BAZ1A: variants seen among roughly 807,000 people sequenced by gnomAD.
The protein encoded by BAZ1A is bromodomain adjacent to zinc finger domain protein 1A.
A neutral mutation model predicts 185.2 loss-of-function variants in BAZ1A; 50 were observed. The observed-to-expected ratio is 0.27, with a 90% CI of 0.22 to 0.34. The LOEUF (loss-of-function observed/expected upper bound fraction) is 0.34. BAZ1A is among the 10% of genes least tolerant of loss of function. The pLI is 1.00. For synonymous variants in BAZ1A, 571 were observed against 615.6 expected, an observed-to-expected ratio of 0.93 and a Z score of 1.07; for missense variants, 1,356 against 1,839.9, an observed-to-expected ratio of 0.74 and a Z score of 4.81.
At chr14:34,850,496 A>G (rs1441528025) in intron 3 of BAZ1A, among the ~76,000 whole-genome samples, 1 of 152,246 alleles carries the variant, frequency 6.6e-6, no homozygotes. Flanking sequence ...AATAGTTTTT[A>G]TAGTCTAGTC....
Position 34,770,270 on chromosome 14 carries a change from C to T in BAZ1A, c.3301+1241G>A, listed in dbSNP as rs1406552129. On this transcript the variant is annotated intron_variant, in intron 21 of 26. Coordinates refer to ENST00000360310, the MANE Select transcript of BAZ1A (RefSeq NM_013448.3). Reference sequence around the variant, plus strand: ...CCAGGTTCAAGCGATTCTCCTGCCTCAGCCTCCCAAGTAGCTGGGATTACA... The same window carrying T: ...CCAGGTTCAAGCGATTCTCCTGCCTTAGCCTCCCAAGTAGCTGGGATTACA... 2.6e-5 allele frequency among the ~76,000 whole-genome samples: 4 copies of T among 152,326 alleles called. No individual in the cohort carries two copies. The East Asian group carries it at 7.7e-4, about 29-fold the overall frequency.
intron 3 of BAZ1A, among the ~76,000 whole-genome samples, chr14:34,844,674 G>C (rs4981252): frequency 0.59 from 89,301 of 151,174 alleles, 26,521 homozygotes; most frequent in South Asian, 0.67. Context: ...CCCAGCCACT[G>C]GGGAGGATAA....
chr14:34,758,115 C>CAAA (rs1192197844), intron 25 of BAZ1A, among the ~76,000 whole-genome samples: 3 of 62,412 alleles, frequency 4.8e-5, no homozygotes, highest in African/African-American at 9.7e-5. Flanking sequence ...GACCCTGTCT[C>CAAA]AAAAAAAAAA....
chr14:34,797,726 G>T (rs1881273214), intron 9 of BAZ1A, among the ~76,000 whole-genome samples: 1 of 152,320 alleles, frequency 6.6e-6, no homozygotes, highest in Non-Finnish European at 1.5e-5. Flanking sequence ...CCAGTCTGCA[G>T]CTCCCAGCGT....
chr14:34,760,962 CT>C (rs1886496365), intron 24 of BAZ1A, among the ~76,000 whole-genome samples: 3 of 151,864 alleles, frequency 2.0e-5, no homozygotes, highest in Non-Finnish European at 4.4e-5. Context: ...ATAATGATTA[CT>C]ATAAACAAAA....
intron 3 of BAZ1A, among the ~76,000 whole-genome samples, chr14:34,838,045 A>C (rs751934128): frequency 1.3e-5 from 2 of 148,830 alleles, no homozygotes; most frequent in Admixed American, 6.6e-5. Flanking sequence ...CGATTGTTAC[A>C]ACAACAGGAT....
chr14:34,760,003 T>C (rs1886454121), intron 24 of BAZ1A, among the ~76,000 whole-genome samples: 1 of 152,126 alleles, frequency 6.6e-6, no homozygotes. Flanking sequence ...ATCTAGATAA[T>C]GTTCGAAAAG....
At chr14:34,783,496 C>T (rs1017288016) in intron 15 of BAZ1A, among the ~76,000 whole-genome samples, 5 of 151,864 alleles carry the variant, frequency 3.3e-5, no homozygotes, top group South Asian at 4.2e-4. Context: ...CCACCACGCC[C>T]GGTTACTTTT....
rs150247491 is a variant in BAZ1A, at chr14:34,818,137, C to T, written c.537-7101G>A. ...ATAAACAAAATGTGATATACACATA[C>T]AATGGATTATTCAGCCATAAAAAGG... On this transcript the variant is annotated intron_variant, in intron 4 of 26. Transcript: ENST00000360310. 2.1e-3 allele frequency among the ~76,000 whole-genome samples: 323 copies of T among 152,266 alleles called. 8 individuals are homozygous for T. The East Asian group carries it at 0.054, about 26-fold the overall frequency.
intron 21 of BAZ1A, among the ~76,000 whole-genome samples, chr14:34,770,639 C>T (rs1012321549): frequency 2.2e-4 from 34 of 152,112 alleles, no homozygotes; most frequent in African/African-American, 8.2e-4. Flanking sequence ...ATGATATAAA[C>T]ATTGATTTAG....
intron 4 of BAZ1A, among the ~76,000 whole-genome samples, chr14:34,821,952 C>T (rs1021197901): frequency 6.6e-6 from 1 of 151,456 alleles, no homozygotes; most frequent in Admixed American, 6.6e-5. Flanking sequence ...CCATTGCACT[C>T]CAGCCTGCCC....
chr14:34,781,929 T>C (rs1214558941), intron 16 of BAZ1A, among the ~76,000 whole-genome samples: 3 of 152,256 alleles, frequency 2.0e-5, no homozygotes, highest in Non-Finnish European at 4.4e-5. Context: ...CCTTTGTTTA[T>C]CCATTCATCA....
chr14:34,789,791 A>G (rs1594842396), intron 12 of BAZ1A, among the ~76,000 whole-genome samples: 1 of 152,224 alleles, frequency 6.6e-6, no homozygotes, highest in South Asian at 2.1e-4. Flanking sequence ...AAGACAAGTA[A>G]TTTTACAGGC....
At chr14:34,798,255 C>T (rs963417244) in intron 9 of BAZ1A, among the ~76,000 whole-genome samples, 10 of 152,380 alleles carry the variant, frequency 6.6e-5, no homozygotes, top group African/African-American at 2.2e-4. Context: ...TAGACCACAC[C>T]GCTGGGGGCA....
At chr14:34,780,115 C>G (rs1298402457) in intron 17 of BAZ1A, 71 bp downstream of exon 17, 1 of 1,564,044 alleles carries the variant, frequency 6.4e-7, no homozygotes, top group Non-Finnish European at 8.7e-7. Context: ...TTCAGAGGAG[C>G]TGAATTAATA....
intron 12 of BAZ1A, among the ~76,000 whole-genome samples, chr14:34,789,865 T>A (rs1880727134): frequency 6.6e-6 from 1 of 152,218 alleles, no homozygotes; most frequent in Non-Finnish European, 1.5e-5. Flanking sequence ...CAACATAGCA[T>A]AATTGTAATG....
chr14:34,837,491 A>G (rs1255156087), intron 3 of BAZ1A, among the ~76,000 whole-genome samples: 1 of 149,914 alleles, frequency 6.7e-6, no homozygotes, highest in South Asian at 2.1e-4. Flanking sequence ...CTCCTGCCTC[A>G]GTCTCTCCAA....
At chr14:34,844,620 AAAAAATT>A (rs922350053) in intron 3 of BAZ1A, among the ~76,000 whole-genome samples, 22 of 151,938 alleles carry the variant, frequency 1.4e-4, no homozygotes, top group African/African-American at 5.3e-4. Flanking sequence ...CTACAAAAAA[AAAAAATT>A]AAAAATTAGC....
chr14:34,810,946 T>C lies in BAZ1A; in HGVS notation c.627A>G (p.Ala209=), dbSNP rs746933865. The C allele has an allele frequency of 1.9e-6, 3 of 1,603,060 alleles. No homozygotes were observed. In the South Asian group the frequency reaches 3.3e-5, roughly 18 times the overall value. Residue 209 remains alanine, a synonymous_variant, in exon 5 of 27, where the codon GCA becomes GCG. Coordinates refer to ENST00000360310, the MANE Select transcript of BAZ1A (RefSeq NM_013448.3). ...KELHESAIVK[A]TQISRRKHLF... Reference sequence around the variant, plus strand: ...ATAGTGAGTTTTACCTGATTTGTGTTGCTTTAACAATAGCAGACTCATGTA... The same window carrying C: ...ATAGTGAGTTTTACCTGATTTGTGTCGCTTTAACAATAGCAGACTCATGTA...
Sources: gnomAD v4.1 joint callset for allele counts (sites outside exome capture counted in the v4.1 genomes callset) on GRCh38, gnomAD v4.1.1 for gene constraint, MANE v1.5 for transcripts, NCBI Gene and HGNC (gene_info 2026-07-23, HGNC 2026-07-21) for gene names.